Variants in CRPPA observed in about 807,000 individuals in gnomAD.
CRPPA encodes CDP-L-ribitol pyrophosphorylase A, also known as D-ribitol-5-phosphate cytidylyltransferase.
A neutral mutation model predicts 52.0 loss-of-function variants in CRPPA; 43 were observed. The ratio of observed to expected loss-of-function variants is 0.83; its 90% CI spans 0.65 to 1.07. The LOEUF (loss-of-function observed/expected upper bound fraction) is 1.07, where lower values mean the gene tolerates loss of function less well. CRPPA is among the 50% of genes least tolerant of loss of function. CRPPA has a pLI of 0.00. For synonymous variants in CRPPA, 250 were observed against 203.5 expected (o/e 1.23, Z -1.94); for missense variants, 629 against 551.7 (o/e 1.14, Z -1.40).
In CRPPA at chr7:16,274,821, C is replaced by T. The variant is rs184252096; in HGVS notation, c.933+3308G>A. 4.7e-4 allele frequency among the ~76,000 whole-genome samples: 71 copies of T among 151,996 alleles called. 1 individual carries two copies. The highest frequency in any genetic ancestry group is 1.0e-3 in the Admixed American group (16 of 15,272). Reference sequence around the variant, plus strand: ...AATTATAAATGGCCAGGAGAGCACACGAACAATAAAGGGGAGAAAGATTCT... The same window carrying T: ...AATTATAAATGGCCAGGAGAGCACATGAACAATAAAGGGGAGAAAGATTCT... On this transcript the variant is annotated intron_variant, in intron 6 of 9. Coordinates refer to ENST00000407010, the MANE Select transcript of CRPPA (RefSeq NM_001101426.4).
In CRPPA at chr7:16,333,022, G is replaced by C. The variant is rs1402047527; in HGVS notation, c.685-24395C>G. On this transcript the variant is annotated intron_variant, in intron 3 of 9. Transcript: ENST00000407010. ...AATTCAGCACAATGAGAATTATCAG[G>C]GATAAAGATTATAAGATCATAAAGG... 4.6e-5 allele frequency among the ~76,000 whole-genome samples: 7 copies of C among 151,934 alleles called. No homozygotes were observed. In the South Asian group the frequency reaches 1.2e-3, roughly 27 times the overall value.
chr7:16,109,026 A>G (rs528159652), intron 9 of CRPPA, among the ~76,000 whole-genome samples: 3 of 152,020 alleles, frequency 2.0e-5, no homozygotes, highest in East Asian at 3.9e-4. Context: ...TCAAGAAACT[A>G]GAAAAAGACA....
chr7:16,173,425 G>C (rs1484822377), intron 9 of CRPPA, among the ~76,000 whole-genome samples: 1 of 152,128 alleles, frequency 6.6e-6, no homozygotes, highest in Non-Finnish European at 1.5e-5. Flanking sequence ...ATTTAAGGTA[G>C]TTGAGCAAGT....
At chr7:16,347,220 G>A (rs1348988007) in intron 3 of CRPPA, among the ~76,000 whole-genome samples, 2 of 151,974 alleles carry the variant, frequency 1.3e-5, no homozygotes, top group Non-Finnish European at 2.9e-5. Context: ...TATATAACAA[G>A]CAGGAAAACC....
intron 9 of CRPPA, among the ~76,000 whole-genome samples, chr7:16,146,356 C>A (rs373357886): frequency 1.3e-5 from 2 of 152,058 alleles, no homozygotes; most frequent in South Asian, 2.1e-4. Flanking sequence ...ACTACTAGAC[C>A]TGCCTGACAA....
chr7:16,138,256 C>A (rs1047971609), intron 9 of CRPPA, among the ~76,000 whole-genome samples: 1 of 152,112 alleles, frequency 6.6e-6, no homozygotes, highest in Admixed American at 6.5e-5. Flanking sequence ...TCAGGTAGAA[C>A]AATTGATTTA....
chr7:16,279,082 G>C (rs1358329631), intron 5 of CRPPA, among the ~76,000 whole-genome samples: 1 of 152,116 alleles, frequency 6.6e-6, no homozygotes, highest in Non-Finnish European at 1.5e-5. Context: ...CAGTTAAAGA[G>C]CCATTACATA....
intron 9 of CRPPA, among the ~76,000 whole-genome samples, chr7:16,119,574 C>G (rs1480401216): frequency 2.0e-5 from 3 of 152,072 alleles, no homozygotes; most frequent in African/African-American, 7.2e-5. Flanking sequence ...CCAAATGTAA[C>G]TCTATGACCT....
chr7:16,228,187 C>CT (rs1782700678), intron 8 of CRPPA, among the ~76,000 whole-genome samples: 1 of 151,756 alleles, frequency 6.6e-6, no homozygotes, highest in Non-Finnish European at 1.5e-5. Flanking sequence ...CAGCTTTGTT[C>CT]TTTTTCCTCA....
intron 9 of CRPPA, 77 bp downstream of exon 9, chr7:16,215,989 T>C (rs966232519): frequency 2.6e-6 from 3 of 1,137,720 alleles, no homozygotes; most frequent in African/African-American, 3.2e-5. Flanking sequence ...AATATCCTCC[T>C]GCTTTTAACA....
At chr7:16,143,147 C>A (rs528018566) in intron 9 of CRPPA, among the ~76,000 whole-genome samples, 15 of 152,290 alleles carry the variant, frequency 9.8e-5, no homozygotes, top group African/African-American at 3.6e-4. Context: ...ATCATTACCA[C>A]CATCACCATT....
At chr7:16,397,922 C>T (rs531227662) in intron 2 of CRPPA, among the ~76,000 whole-genome samples, 20 of 152,312 alleles carry the variant, frequency 1.3e-4, no homozygotes, top group African/African-American at 4.3e-4. Context: ...ACCAACACAA[C>T]TGGCAGGTGA....
intron 2 of CRPPA, among the ~76,000 whole-genome samples, chr7:16,405,091 A>G (rs78324032): frequency 0.038 from 5,820 of 151,642 alleles, 239 homozygotes; most frequent in African/African-American, 0.098. Context: ...TTTCCTAAAT[A>G]GGTTTTAAAG....
At chr7:16,121,611 C>T (rs1487587966) in intron 9 of CRPPA, among the ~76,000 whole-genome samples, 2 of 151,906 alleles carry the variant, frequency 1.3e-5, no homozygotes, top group African/African-American at 4.8e-5. Flanking sequence ...AAAAAGACTT[C>T]GTAAAACAGA....
intron 9 of CRPPA, among the ~76,000 whole-genome samples, chr7:16,211,914 C>A (rs1260794010): frequency 6.6e-6 from 1 of 152,116 alleles, no homozygotes; most frequent in Admixed American, 6.5e-5. Context: ...TCGAGTAGAG[C>A]AATATGGTTT....
chr7:16,226,078 C>A (rs1583446400), intron 8 of CRPPA, among the ~76,000 whole-genome samples: 1 of 151,966 alleles, frequency 6.6e-6, no homozygotes, highest in East Asian at 1.9e-4. Context: ...TAGGTGCAAA[C>A]CAAATCATTA....
rs56733439 is a variant in CRPPA, at chr7:16,352,879, G to GCACA, written c.684+23209_684+23212dup. 2.1e-3 allele frequency among the ~76,000 whole-genome samples: 306 copies of GCACA among 142,418 alleles called. 2 individuals are homozygous for GCACA. The highest frequency in any genetic ancestry group is 7.0e-3 in the Middle Eastern group (2 of 284). The allele number at this position is 142,418 out of a possible 152,430, so 93.4% of individuals were successfully genotyped here. A position where few individuals can be genotyped will look rare whatever the true frequency, so the allele number is the denominator to read the frequency against. ...AGGTCACAAGGATTTAAGTAACATG[G>GCACA]CACACACACACACACACACACACAC... is the stretch of plus-strand genomic sequence containing the variant. On this transcript the variant is annotated intron_variant, in intron 3 of 9. Transcript: ENST00000407010.
At chr7:16,411,094 C>T (rs1788067879) in intron 1 of CRPPA, among the ~76,000 whole-genome samples, 1 of 152,302 alleles carries the variant, frequency 6.6e-6, no homozygotes, top group Non-Finnish European at 1.5e-5. Context: ...GTAGAAATAA[C>T]ACCTAAGATA....
chr7:16,144,517 G>A (rs1026478620), intron 9 of CRPPA, among the ~76,000 whole-genome samples: 15 of 152,218 alleles, frequency 9.9e-5, no homozygotes, highest in African/African-American at 3.6e-4. Context: ...GGAAGGATGA[G>A]CTGAAGGCAG....
Sources: gnomAD v4.1 joint callset for allele counts (sites outside exome capture counted in the v4.1 genomes callset) on GRCh38, gnomAD v4.1.1 for gene constraint, MANE v1.5 for transcripts, NCBI Gene and HGNC (gene_info 2026-07-23, HGNC 2026-07-21) for gene names.